The following FKBP5 variants were observed in gnomAD, a reference collection of about 807,000 sequenced individuals.
FKBP5 encodes the protein FKBP prolyl isomerase 5.
A neutral mutation model predicts 50.5 loss-of-function variants in FKBP5; 23 were observed. The ratio of observed to expected loss-of-function variants is 0.46; its 90% CI spans 0.33 to 0.65. The LOEUF (loss-of-function observed/expected upper bound fraction) is 0.65. Ranked by LOEUF, FKBP5 falls within the 30% of genes least tolerant of loss-of-function variation. The pLI is 0.02. For synonymous variants in FKBP5, 176 were observed against 190.6 expected (o/e 0.92, Z 0.63); for missense variants, 411 against 553.1 (o/e 0.74, Z 2.58).
At position 35,642,796 on chromosome 6, in the gene FKBP5, T is replaced by A. The variant is rs1212939894; in HGVS notation, c.29A>T (p.Asn10Ile). 6.2e-7 allele frequency: 1 copy of A among 1,614,020 alleles called. No individual in the cohort carries two copies. Among genetic ancestry groups the A allele is most frequent in the Non-Finnish European group, 8.5e-7 (1 of 1,179,962 alleles). The change falls in exon 2 of 11, where the codon AAT becomes ATT. Residue 10 changes from asparagine (N) to isoleucine (I), a missense_variant. Physicochemically the swap from Asn to Ile is moderately radical, Grantham distance 149. Around this residue, in one of 3 missense-constraint regions of FKBP5, gnomAD observed 56 missense variants for 58.2 expected, o/e 0.96. Coordinates refer to ENST00000357266, the MANE Select transcript of FKBP5 (RefSeq NM_004117.4). MTTDEGAKN[N>I]EESPTATVAE... The stretch of plus-strand genomic sequence containing the variant: ...AACAGTGGCTGTGGGGCTTTCTTCA[T>A]TGTTCTTGGCACCTTCATCAGTAGT...
chr6:35,629,425 G>A (rs918062923), intron 3 of FKBP5, among the ~76,000 whole-genome samples: 2 of 152,126 alleles, frequency 1.3e-5, no homozygotes, highest in African/African-American at 4.8e-5. Context: ...CATATCTTAT[G>A]TTACATTGTA....
intron 1 of FKBP5, among the ~76,000 whole-genome samples, chr6:35,654,670 G>A (rs1443684211): frequency 6.6e-6 from 1 of 152,148 alleles, no homozygotes; most frequent in Non-Finnish European, 1.5e-5. Context: ...TGTCGCCCAG[G>A]CTAGAGTGCA....
chr6:35,702,577 C>T (rs570702607), intron 2 of FKBP5, among the ~76,000 whole-genome samples: 1 of 151,840 alleles, frequency 6.6e-6, no homozygotes, highest in Admixed American at 6.6e-5. Flanking sequence ...CTCAACTTCC[C>T]GAGTAGCTGG....
At chr6:35,712,840 A>C (rs1766438075) in intron 2 of FKBP5, among the ~76,000 whole-genome samples, 1 of 151,952 alleles carries the variant, frequency 6.6e-6, no homozygotes, top group African/African-American at 2.4e-5. Context: ...TGGCCTGGGC[A>C]CTCCCCAAAA....
At chr6:35,623,914 C>T (rs1306998359) in intron 3 of FKBP5, among the ~76,000 whole-genome samples, 2 of 151,984 alleles carry the variant, frequency 1.3e-5, no homozygotes, top group African/African-American at 4.8e-5. Context: ...TTGCCCAGGT[C>T]GGTCTTGAAC....
intron 7 of FKBP5, 37 bp from the exon 8 acceptor site, chr6:35,587,154 A>G (rs1348526035): frequency 6.3e-7 from 1 of 1,585,164 alleles, no homozygotes; most frequent in Non-Finnish European, 8.7e-7. Flanking sequence ...AGATGAACAG[A>G]GAGAAAAGCA....
At chr6:35,609,183 T>G (rs993471757) in intron 5 of FKBP5, among the ~76,000 whole-genome samples, 7 of 152,216 alleles carry the variant, frequency 4.6e-5, no homozygotes, top group Non-Finnish European at 1.0e-4. Flanking sequence ...ATTATTTTTT[T>G]TTTCTCGCTA....
intron 1 of FKBP5, among the ~76,000 whole-genome samples, chr6:35,652,908 A>C (rs1463705154): frequency 6.6e-6 from 1 of 152,146 alleles, no homozygotes; most frequent in East Asian, 1.9e-4. Flanking sequence ...CCCAGCTTTA[A>C]AATTTCTCTC....
intron 2 of FKBP5, among the ~76,000 whole-genome samples, chr6:35,699,233 C>T (rs769992459): frequency 5.3e-5 from 8 of 152,120 alleles, no homozygotes; most frequent in Non-Finnish European, 7.3e-5. Flanking sequence ...TTTCTCACAG[C>T]GTGTTGGTCT....
chr6:35,687,442 C>T (rs1334846769), intron 1 of FKBP5, among the ~76,000 whole-genome samples: 2 of 152,128 alleles, frequency 1.3e-5, no homozygotes, highest in African/African-American at 2.4e-5. Flanking sequence ...TTGATTCAAA[C>T]ACCAAGAGAA....
chr6:35,714,454 A>G (rs938733743), intron 2 of FKBP5, among the ~76,000 whole-genome samples: 1 of 141,828 alleles, frequency 7.1e-6, no homozygotes, highest in Non-Finnish European at 1.5e-5. Context: ...CACTGCCTCA[A>G]AAAAAAAAAA....
rs1472312132 is a variant in FKBP5 at position 35,688,912 on chromosome 6, G to C, written c.-128C>G. 6.6e-6 allele frequency: 1 copy of C among 151,432 alleles called. No homozygotes were observed. The highest frequency in any genetic ancestry group is 1.5e-5 in the Non-Finnish European group (1 of 68,194). 9.4% of individuals were successfully genotyped at this position (151,432 alleles called of 1,614,324 possible). A position where few individuals can be genotyped will look rare whatever the true frequency, so the allele number is the denominator to read the frequency against. On this transcript the variant is annotated 5_prime_UTR_variant, in exon 1 of 11. Transcript: ENST00000357266. ...CCGCGCGCCGGACACCGCCGCCCGA[G>C]ACTGGCAGCGCCCGCGAGCCGGCCC...
At chr6:35,661,640 A>G (rs1765069361) in intron 1 of FKBP5, among the ~76,000 whole-genome samples, 2 of 79,926 alleles carry the variant, frequency 2.5e-5, no homozygotes, top group African/African-American at 7.7e-5. Context: ...GTGTGGTGGC[A>G]AGTGCCTGTA....
chr6:35,621,583 A>G (rs1403739925), intron 3 of FKBP5, among the ~76,000 whole-genome samples: 1 of 147,706 alleles, frequency 6.8e-6, no homozygotes, highest in Admixed American at 7.1e-5. Context: ...ATGCCACTGC[A>G]CTCCAGCCTG....
At chr6:35,676,588 T>C (rs1765527890) in intron 1 of FKBP5, among the ~76,000 whole-genome samples, 1 of 152,256 alleles carries the variant, frequency 6.6e-6, no homozygotes, top group Admixed American at 6.5e-5. Flanking sequence ...TTTCTCTTTT[T>C]TCCACCCTTA....
intron 9 of FKBP5, among the ~76,000 whole-genome samples, chr6:35,578,986 T>C (rs1762327881): frequency 6.6e-6 from 1 of 151,942 alleles, no homozygotes; most frequent in Admixed American, 6.6e-5. Context: ...TGTGGTGGCA[T>C]GCACTTGTAG....
At chr6:35,666,915 G>C (rs1262401396) in intron 1 of FKBP5, among the ~76,000 whole-genome samples, 1 of 151,864 alleles carries the variant, frequency 6.6e-6, no homozygotes, top group Non-Finnish European at 1.5e-5. Context: ...TATATGAAGA[G>C]AAAATACCTA....
chr6:35,663,481 A>T (rs1262824812), intron 1 of FKBP5, among the ~76,000 whole-genome samples: 1 of 152,224 alleles, frequency 6.6e-6, no homozygotes, highest in Non-Finnish European at 1.5e-5. Flanking sequence ...TGGCACTCCA[A>T]TGGTTTCCCA....
At chr6:35,675,497 G>C (rs903464126) in intron 1 of FKBP5, among the ~76,000 whole-genome samples, 1 of 152,140 alleles carries the variant, frequency 6.6e-6, no homozygotes, top group African/African-American at 2.4e-5. Flanking sequence ...TTGAACCTGG[G>C]AGACAGAGGT....
Sources: gnomAD v4.1 joint callset for allele counts (sites outside exome capture counted in the v4.1 genomes callset) on GRCh38, gnomAD v4.1.1 for gene constraint, gnomAD v4.1.1 regional missense constraint, MANE v1.5 for transcripts, NCBI Gene and HGNC (gene_info 2026-07-23, HGNC 2026-07-21) for gene names.